Variants in KLF12 observed in about 807,000 individuals in gnomAD.
The protein encoded by KLF12 is KLF transcription factor 12.
A neutral mutation model predicts 37.8 loss-of-function variants in KLF12; 9 were observed. That is an observed-to-expected ratio of 0.24 (90% CI 0.14 to 0.42). The LOEUF (loss-of-function observed/expected upper bound fraction) is 0.42, where lower values mean the gene tolerates loss of function less well. KLF12 is among the 10% of genes least tolerant of loss of function. The pLI, the probability that KLF12 is intolerant of heterozygous loss-of-function variation, is 1.00. For missense variants in KLF12, 411 were observed against 516.0 expected, an observed-to-expected ratio of 0.80 and a Z score of 1.97; for synonymous variants, 208 against 202.1, an observed-to-expected ratio of 1.03 and a Z score of -0.25.
chr13:74,035,044 C>T (rs1893213127), intron 1 of KLF12, among the ~76,000 whole-genome samples: 1 of 152,152 alleles, frequency 6.6e-6, no homozygotes, highest in African/African-American at 2.4e-5. Flanking sequence ...TAGAATTTTT[C>T]CCTTTATTCA....
At chr13:74,033,097 A>C (rs1310382538) in intron 1 of KLF12, among the ~76,000 whole-genome samples, 1 of 152,146 alleles carries the variant, frequency 6.6e-6, no homozygotes, top group Non-Finnish European at 1.5e-5. Flanking sequence ...CATGTACTGT[A>C]TACAAATTAA....
chr13:74,092,276 T>C (rs535974831), intron 1 of KLF12, among the ~76,000 whole-genome samples: 1 of 138,618 alleles, frequency 7.2e-6, no homozygotes, highest in Admixed American at 7.4e-5. Context: ...TAGCCTGGGA[T>C]ACAGAGTGAG....
At chr13:73,891,777 C>T (rs1887518902) in intron 3 of KLF12, among the ~76,000 whole-genome samples, 1 of 152,092 alleles carries the variant, frequency 6.6e-6, no homozygotes, top group Non-Finnish European at 1.5e-5. Context: ...TGGTAAACTA[C>T]AGTTTTCCTA....
chr13:73,915,572 G>T (rs998942010), intron 3 of KLF12, among the ~76,000 whole-genome samples: 1 of 151,668 alleles, frequency 6.6e-6, no homozygotes, highest in Non-Finnish European at 1.5e-5. Flanking sequence ...GAGTGCAGTG[G>T]CACGATCTTG....
chr13:74,056,099 CA>C (rs1042760701), intron 1 of KLF12, among the ~76,000 whole-genome samples: 5 of 152,144 alleles, frequency 3.3e-5, no homozygotes, highest in African/African-American at 1.2e-4. Context: ...AAGAGTCCAG[CA>C]GCTCCCAACC....
intron 1 of KLF12, among the ~76,000 whole-genome samples, chr13:74,127,379 C>G (rs1457066660): frequency 6.6e-6 from 1 of 152,116 alleles, no homozygotes; most frequent in East Asian, 1.9e-4. Context: ...GCATTTAGAA[C>G]AAGGCAAATC....
chr13:73,871,546 C>G, intron 3 of KLF12, among the ~76,000 whole-genome samples: 1 of 152,210 alleles, frequency 6.6e-6, no homozygotes, highest in East Asian at 1.9e-4. Context: ...GAACACAGTA[C>G]AAACGGAGTC....
the KLF12 span, among the ~76,000 whole-genome samples, chr13:74,234,053 A>G: frequency 2.3e-4 from 35 of 152,344 alleles, no homozygotes; most frequent in East Asian, 3.7e-3. Flanking sequence ...AATATACCAC[A>G]GTATTGCAAG....
chr13:74,109,969 TG>T (rs1035528291), intron 1 of KLF12, among the ~76,000 whole-genome samples: 1 of 152,044 alleles, frequency 6.6e-6, no homozygotes, highest in African/African-American at 2.4e-5. Context: ...CTAAGACTTT[TG>T]GGGAAAAAAA....
At chr13:73,736,312 A>G (rs192735267) in intron 6 of KLF12, among the ~76,000 whole-genome samples, 40 of 152,350 alleles carry the variant, frequency 2.6e-4, no homozygotes, top group Admixed American at 2.4e-3. Flanking sequence ...AATTAAGGAT[A>G]TCATCTCTAG....
intron 5 of KLF12, among the ~76,000 whole-genome samples, chr13:73,772,101 G>C (rs1221447073): frequency 6.6e-6 from 1 of 152,228 alleles, no homozygotes; most frequent in Non-Finnish European, 1.5e-5. Flanking sequence ...TCACAGAGCT[G>C]TGCAGCCACA....
At chr13:74,274,227 C>A in the KLF12 span, among the ~76,000 whole-genome samples, 1 of 152,170 alleles carries the variant, frequency 6.6e-6, no homozygotes, top group East Asian at 1.9e-4. Context: ...CCTCTCCTAG[C>A]CTTAGTGAAG....
chr13:73,890,798 T>A (rs568288229), intron 3 of KLF12, among the ~76,000 whole-genome samples: 1 of 152,208 alleles, frequency 6.6e-6, no homozygotes, highest in African/African-American at 2.4e-5. Context: ...GGAAAGTAAA[T>A]TTGAAACGAC....
chr13:73,788,602 G>T (rs1461981067), intron 5 of KLF12, among the ~76,000 whole-genome samples: 1 of 152,018 alleles, frequency 6.6e-6, no homozygotes, highest in Non-Finnish European at 1.5e-5. Flanking sequence ...CGTATATCAA[G>T]CACACATCAT....
intron 5 of KLF12, among the ~76,000 whole-genome samples, chr13:73,769,391 T>C (rs1324059): frequency 0.78 from 119,137 of 152,106 alleles, 46,797 homozygotes; most frequent in South Asian, 0.9. Flanking sequence ...ATCACTCCAT[T>C]CTTGAACAGC....
At chr13:74,116,709 C>G (rs779391443) in intron 1 of KLF12, among the ~76,000 whole-genome samples, 2 of 152,162 alleles carry the variant, frequency 1.3e-5, no homozygotes, top group Non-Finnish European at 2.9e-5. Context: ...TTCAAAACTT[C>G]TATAAACTAT....
At chr13:73,834,722 G>C (rs1349824146) in intron 4 of KLF12, among the ~76,000 whole-genome samples, 1 of 152,170 alleles carries the variant, frequency 6.6e-6, no homozygotes, top group Non-Finnish European at 1.5e-5. Flanking sequence ...ATGTTGGCTA[G>C]GCTGGTCTCG....
At chr13:74,088,820 A>C (rs1192003988) in intron 1 of KLF12, among the ~76,000 whole-genome samples, 1 of 152,218 alleles carries the variant, frequency 6.6e-6, no homozygotes, top group Non-Finnish European at 1.5e-5. Flanking sequence ...AGGGTCTTGA[A>C]TGTGAAAGCA....
rs372879975 is a variant in KLF12, at chr13:73,715,351, G to C, written c.1027+17C>G. 2 of 1,606,840 alleles carry C rather than the reference G, an allele frequency of 1.2e-6. No individual in the cohort carries two copies. The highest frequency in any genetic ancestry group is 1.7e-6 in the Non-Finnish European group (2 of 1,176,900). ...ACTCTCACTGGCTCACAGGTGAGAA[G>C]CCCTGCAGAGCGGTACCTGTATGTG... On this transcript the variant is annotated intron_variant, in intron 7 of 7. Coordinates refer to ENST00000377669, the MANE Select transcript of KLF12 (RefSeq NM_007249.5).
Sources: gnomAD v4.1 joint callset for allele counts (sites outside exome capture counted in the v4.1 genomes callset) on GRCh38, gnomAD v4.1.1 for gene constraint, MANE v1.5 for transcripts, NCBI Gene and HGNC (gene_info 2026-07-23, HGNC 2026-07-21) for gene names.